The following BMP6 variants were observed in gnomAD, a reference collection of about 807,000 sequenced individuals.
BMP6 encodes VG-1-R.
In BMP6, 17 loss-of-function variants were observed where a neutral mutation model predicts 54.1. The ratio of observed to expected loss-of-function variants is 0.31; its 90% confidence interval spans 0.22 to 0.47. BMP6 has a LOEUF of 0.47. Ranked by LOEUF, BMP6 falls within the 20% of genes least tolerant of loss-of-function variation. The pLI is 1.00. For missense variants in BMP6, 720 were observed against 690.4 expected (o/e 1.04, Z -0.48); for synonymous variants, 328 against 291.2 (o/e 1.13, Z -1.28).
intron 1 of BMP6, among the ~76,000 whole-genome samples, chr6:7,769,389 A>G (rs74740972): frequency 0.062 from 9,372 of 152,262 alleles, 313 homozygotes; most frequent in African/African-American, 0.08. Context: ...GGAGTTTGGC[A>G]TCAGCATGTT....
chr6:7,782,356 A>G (rs1757960814), intron 1 of BMP6, among the ~76,000 whole-genome samples: 1 of 152,154 alleles, frequency 6.6e-6, no homozygotes, highest in African/African-American at 2.4e-5. Context: ...TGGTTGACAG[A>G]GTTCTGGAGG....
At chr6:7,795,990 G>T (rs1581251197) in intron 1 of BMP6, among the ~76,000 whole-genome samples, 1 of 152,116 alleles carries the variant, frequency 6.6e-6, no homozygotes, top group African/African-American at 2.4e-5. Context: ...TACGCAGTTG[G>T]AGTCAAATCT....
Position 7,880,497 on chromosome 6 carries a change from C to T in BMP6, c.*154C>T, listed in dbSNP as rs1759699757. ...ATTACCCAGGAAGATTTTAAAGGAC[C>T]TCATTAATAATTTGCTCACTTGGTA... On this transcript the variant is annotated 3_prime_UTR_variant, in exon 7 of 7. Transcript: ENST00000283147. The T allele has an allele frequency of 9.5e-7, 1 of 1,054,590 alleles. No individual in the cohort carries two copies. The highest frequency in any genetic ancestry group is 1.6e-5 in the African/African-American group (1 of 62,130). The allele number at this position is 1,054,590 out of a possible 1,614,324, so 65.3% of individuals were successfully genotyped here.
At chr6:7,771,267 C>T (rs998441865) in intron 1 of BMP6, among the ~76,000 whole-genome samples, 3 of 152,116 alleles carry the variant, frequency 2.0e-5, no homozygotes, top group Non-Finnish European at 2.9e-5. Context: ...TGGGCTTGTC[C>T]AGCTCCTTAA....
At chr6:7,878,461 C>T (rs180825188) in intron 4 of BMP6, among the ~76,000 whole-genome samples, 1 of 152,110 alleles carries the variant, frequency 6.6e-6, no homozygotes, top group Non-Finnish European at 1.5e-5. Context: ...CCTGAGGAAC[C>T]CCTGGCTTAG....
At chr6:7,786,394 T>G (rs369761527) in intron 1 of BMP6, among the ~76,000 whole-genome samples, 5 of 152,070 alleles carry the variant, frequency 3.3e-5, no homozygotes, top group African/African-American at 1.2e-4. Flanking sequence ...CTTAGAGAAT[T>G]CTGGTCGTGT....
intron 4 of BMP6, among the ~76,000 whole-genome samples, chr6:7,864,005 C>G (rs556467325): frequency 2.3e-5 from 3 of 130,590 alleles, no homozygotes; most frequent in Non-Finnish European, 4.7e-5. Flanking sequence ...GAGCGAGACT[C>G]CATCGAAAAA....
chr6:7,789,388 C>T (rs961884876), intron 1 of BMP6, among the ~76,000 whole-genome samples: 5 of 151,834 alleles, frequency 3.3e-5, no homozygotes, highest in Admixed American at 2.0e-4. Context: ...TCTTACCAGG[C>T]GTATATGTAG....
chr6:7,781,620 G>A lies in BMP6; in HGVS notation c.664+54001G>A, dbSNP rs1757950296. 2.0e-5 allele frequency among the ~76,000 whole-genome samples: 3 copies of A among 151,516 alleles called. 1 individual carries two copies. The highest frequency in any genetic ancestry group is 7.3e-5 in the African/African-American group (3 of 41,366). On this transcript the variant is annotated intron_variant, in intron 1 of 6. Transcript: ENST00000283147. Reference sequence around the variant, plus strand: ...TGTTTCATCCCCGTGTTCACTGAGTGCCTATTGAGTGTCCGGAACTATGCC... The same window carrying A: ...TGTTTCATCCCCGTGTTCACTGAGTACCTATTGAGTGTCCGGAACTATGCC...
chr6:7,826,072 C>T (rs977228531), intron 1 of BMP6, among the ~76,000 whole-genome samples: 3 of 152,202 alleles, frequency 2.0e-5, no homozygotes, highest in African/African-American at 7.2e-5. Flanking sequence ...CTCCGGGTAC[C>T]CTGTGAGTTG....
At chr6:7,856,706 C>T (rs945220766) in intron 2 of BMP6, among the ~76,000 whole-genome samples, 1 of 146,368 alleles carries the variant, frequency 6.8e-6, no homozygotes, top group Non-Finnish European at 1.5e-5. Context: ...ACGCCATTCT[C>T]CTGCCTCAGC....
chr6:7,761,193 ACT>A (rs1186737203), intron 1 of BMP6, among the ~76,000 whole-genome samples: 3 of 152,064 alleles, frequency 2.0e-5, no homozygotes, highest in Non-Finnish European at 2.9e-5. Context: ...GTTTTATGAG[ACT>A]CTGTTGGAGC....
At chr6:7,791,852 A>G (rs116359414) in intron 1 of BMP6, among the ~76,000 whole-genome samples, 1,987 of 152,174 alleles carry the variant, frequency 0.013, 48 homozygotes, top group African/African-American at 0.045. Flanking sequence ...ACCTCAGTAT[A>G]TTTTATATCC....
At chr6:7,837,877 G>A (rs1758898661) in intron 1 of BMP6, among the ~76,000 whole-genome samples, 1 of 152,086 alleles carries the variant, frequency 6.6e-6, no homozygotes, top group African/African-American at 2.4e-5. Flanking sequence ...GACTTAAAAA[G>A]AAATAGGTTC....
chr6:7,833,619 G>A (rs755058676), intron 1 of BMP6, among the ~76,000 whole-genome samples: 5 of 152,212 alleles, frequency 3.3e-5, no homozygotes, highest in African/African-American at 4.8e-5. Context: ...AAACTGAGTA[G>A]CACAGGGAAG....
intron 1 of BMP6, among the ~76,000 whole-genome samples, chr6:7,827,334 T>C (rs1758713420): frequency 6.6e-6 from 1 of 152,208 alleles, no homozygotes; most frequent in Non-Finnish European, 1.5e-5. Context: ...ACTGAGATAC[T>C]CTCTCCATTG....
At chr6:7,812,086 G>A (rs1758444138) in intron 1 of BMP6, among the ~76,000 whole-genome samples, 1 of 152,112 alleles carries the variant, frequency 6.6e-6, no homozygotes, top group African/African-American at 2.4e-5. Context: ...TAGCTGTTTT[G>A]GGTTAGGGTT....
chr6:7,865,982 G>T lies in BMP6; in HGVS notation c.1204+3484G>T, dbSNP rs541197030. On this transcript the variant is annotated intron_variant, in intron 4 of 6. Coordinates refer to ENST00000283147, the MANE Select transcript of BMP6 (RefSeq NM_001718.6). ...AATTGTGCTGTCAGTGCCTGAGACG[G>T]CAAGACTAGTGCACAGCAGTGGAGA... Among the ~76,000 whole-genome samples, 16 of 152,308 alleles carry T rather than the reference G, an allele frequency of 1.1e-4. 1 individual carries two copies. The highest frequency in any genetic ancestry group is 3.8e-4 in the African/African-American group (16 of 41,574).
intron 1 of BMP6, among the ~76,000 whole-genome samples, chr6:7,739,733 C>T (rs1413878780): frequency 6.6e-6 from 1 of 152,240 alleles, no homozygotes. Flanking sequence ...ACTGTCTTCT[C>T]TGCCCTTGTG....
Sources: allele counts gnomAD v4.1 joint callset (sites outside exome capture counted in the v4.1 genomes callset), GRCh38; gene constraint gnomAD v4.1.1; transcripts MANE v1.5; gene names NCBI Gene and HGNC (gene_info 2026-07-23, HGNC 2026-07-21).